Variants in LEPR observed in about 807,000 individuals in gnomAD.
LEPR encodes the protein leptin receptor.
LEPR carries 56 observed loss-of-function variants against 114.7 expected under a neutral mutation model. The ratio of observed to expected loss-of-function variants is 0.49; its 90% CI spans 0.39 to 0.61. The LOEUF is 0.61. LEPR is among the 20% of genes least tolerant of loss of function. LEPR has a pLI of 0.00. For missense variants in LEPR, 1,202 were observed against 1,352.9 expected, an observed-to-expected ratio of 0.89 and a Z score of 1.75; for synonymous variants, 443 against 461.4, an observed-to-expected ratio of 0.96 and a Z score of 0.51.
intron 2 of LEPR, among the ~76,000 whole-genome samples, chr1:65,447,902 T>C (rs1646733508): frequency 1.3e-5 from 2 of 152,244 alleles, no homozygotes; most frequent in African/African-American, 4.8e-5. Flanking sequence ...TAGTTACTTA[T>C]TAGTTCCAGG....
intron 2 of LEPR, among the ~76,000 whole-genome samples, chr1:65,438,900 A>C (rs538240078): frequency 6.6e-6 from 1 of 152,158 alleles, no homozygotes; most frequent in Non-Finnish European, 1.5e-5. Context: ...AGAACTGCTA[A>C]ACCTCATGTA....
intron 2 of LEPR, among the ~76,000 whole-genome samples, chr1:65,453,724 T>G (rs943044021): frequency 2.6e-5 from 4 of 152,118 alleles, no homozygotes; most frequent in Non-Finnish European, 4.4e-5. Flanking sequence ...TTGGAATAGG[T>G]GTGGTGTGGT....
intron 2 of LEPR, among the ~76,000 whole-genome samples, chr1:65,445,924 T>C (rs9436747): frequency 0.56 from 84,972 of 152,030 alleles, 24,450 homozygotes; most frequent in Middle Eastern, 0.66. Context: ...ATGGGGTTCT[T>C]TTCAATATTT....
At chr1:65,473,499 G>A (rs996524492) in intron 2 of LEPR, among the ~76,000 whole-genome samples, 3 of 152,266 alleles carry the variant, frequency 2.0e-5, no homozygotes, top group Admixed American at 2.0e-4. Flanking sequence ...ATTAAAATGA[G>A]TAGTACAAAG....
At chr1:65,513,205 G>T (rs1649113572) in intron 2 of LEPR, among the ~76,000 whole-genome samples, 1 of 152,182 alleles carries the variant, frequency 6.6e-6, no homozygotes. Flanking sequence ...AAGCCAGCAT[G>T]CTGTAACTGG....
intron 2 of LEPR, among the ~76,000 whole-genome samples, chr1:65,479,886 GT>G (rs1443776576): frequency 6.6e-6 from 1 of 150,784 alleles, no homozygotes; most frequent in African/African-American, 2.4e-5. Context: ...TATGTAATCA[GT>G]TTAGCTCACT....
intron 17 of LEPR, among the ~76,000 whole-genome samples, chr1:65,620,644 A>G (rs762053192): frequency 1.2e-4 from 19 of 152,202 alleles, no homozygotes; most frequent in Non-Finnish European, 2.2e-4. Context: ...ATGATATTCG[A>G]GTAAAACCTT....
Position 65,425,322 on chromosome 1 carries a change from C to A in LEPR, c.-77C>A, listed in dbSNP as rs748845719. The A allele has an allele frequency of 1.6e-5, 26 of 1,611,430 alleles. No individual in the cohort carries two copies. Among genetic ancestry groups the A allele is most frequent in the Non-Finnish European group, 2.2e-5 (26 of 1,179,374 alleles). On this transcript the variant is annotated 5_prime_UTR_variant, in exon 2 of 20. Coordinates refer to ENST00000349533, the MANE Select transcript of LEPR (RefSeq NM_002303.6). ...TCACAGCTCTCGTGGCATTATCCTT[C>A]AGTGGGGCTATTGGACTGACTTTTC...
intron 2 of LEPR, among the ~76,000 whole-genome samples, chr1:65,442,881 G>A (rs924576310): frequency 6.6e-6 from 1 of 152,126 alleles, no homozygotes; most frequent in African/African-American, 2.4e-5. Flanking sequence ...CTATACAAGG[G>A]AGACTGCACA....
intron 2 of LEPR, among the ~76,000 whole-genome samples, chr1:65,437,356 C>T (rs1646577894): frequency 6.6e-6 from 1 of 152,054 alleles, no homozygotes; most frequent in Admixed American, 6.6e-5. Context: ...GTAGCTAGTA[C>T]TTCTGCTGGA....
intron 2 of LEPR, among the ~76,000 whole-genome samples, chr1:65,455,788 T>C (rs376719453): frequency 7.4e-5 from 11 of 149,548 alleles, no homozygotes; most frequent in South Asian, 4.2e-4. Context: ...GGCAGGCCTC[T>C]TTGAGCTGTG....
At chr1:65,447,129 T>C (rs1333155110) in intron 2 of LEPR, among the ~76,000 whole-genome samples, 1 of 152,116 alleles carries the variant, frequency 6.6e-6, no homozygotes, top group African/African-American at 2.4e-5. Flanking sequence ...TTTTTTTTTC[T>C]TGGATGGATC....
intron 3 of LEPR, among the ~76,000 whole-genome samples, chr1:65,568,432 C>G (rs562432875): frequency 1.3e-5 from 2 of 152,146 alleles, no homozygotes; most frequent in African/African-American, 4.8e-5. Flanking sequence ...GCCTTTAGCT[C>G]CATCCACGTT....
intron 5 of LEPR, among the ~76,000 whole-genome samples, chr1:65,581,767 C>A (rs1193950260): frequency 6.6e-6 from 1 of 152,142 alleles, no homozygotes; most frequent in Non-Finnish European, 1.5e-5. Flanking sequence ...CCTCTTACAG[C>A]AAGAAGAAAC....
chr1:65,475,740 G>T (rs550509111), intron 2 of LEPR, among the ~76,000 whole-genome samples: 6 of 152,238 alleles, frequency 3.9e-5, no homozygotes, highest in East Asian at 1.9e-4. Flanking sequence ...AATAGGCCAG[G>T]CATGGTGGCT....
chr1:65,460,044 T>C (rs904438201), intron 2 of LEPR, among the ~76,000 whole-genome samples: 2 of 150,460 alleles, frequency 1.3e-5, no homozygotes, highest in Non-Finnish European at 3.0e-5. Flanking sequence ...ACGGTACTTA[T>C]CACTAAATTA....
chr1:65,443,181 A>G (rs1331782439), intron 2 of LEPR, among the ~76,000 whole-genome samples: 3 of 152,178 alleles, frequency 2.0e-5, no homozygotes, highest in African/African-American at 7.2e-5. Context: ...TATTAGAAAA[A>G]AATTACACTT....
chr1:65,527,401 A>G (rs1252232512), intron 2 of LEPR, among the ~76,000 whole-genome samples: 2 of 152,236 alleles, frequency 1.3e-5, no homozygotes, highest in Non-Finnish European at 2.9e-5. Flanking sequence ...AAAAGTGTCT[A>G]CAGTGAGTAT....
At chr1:65,503,937 T>C (rs1490229916) in intron 2 of LEPR, among the ~76,000 whole-genome samples, 1 of 152,008 alleles carries the variant, frequency 6.6e-6, no homozygotes, top group African/African-American at 2.4e-5. Flanking sequence ...CAGGGATCCT[T>C]AGAGAGACGG....
Sources: gnomAD v4.1 joint callset for allele counts (sites outside exome capture counted in the v4.1 genomes callset) on GRCh38, gnomAD v4.1.1 for gene constraint, MANE v1.5 for transcripts, NCBI Gene and HGNC (gene_info 2026-07-23, HGNC 2026-07-21) for gene names.